The following PACRG variants were observed in gnomAD, a reference collection of about 807,000 sequenced individuals.
The protein encoded by PACRG is parkin coregulated gene protein.
In PACRG, 29 loss-of-function variants were observed where a neutral mutation model predicts 29.7. That is an observed-to-expected ratio of 0.98 (90% CI 0.73 to 1.33). The LOEUF is 1.33. Ranked by LOEUF, PACRG falls within the 40% of genes most tolerant of loss-of-function variation. PACRG has a pLI of 0.00. For synonymous variants in PACRG, 116 were observed against 118.7 expected (o/e 0.98, Z 0.15); for missense variants, 279 against 316.2 (o/e 0.88, Z 0.89).
intron 4 of PACRG, among the ~76,000 whole-genome samples, chr6:163,226,453 C>T (rs1431714522): frequency 6.6e-6 from 1 of 152,248 alleles, no homozygotes; most frequent in East Asian, 1.9e-4. Context: ...TGAAACATCA[C>T]ATTGCGGACT....
chr6:162,738,237 T>G (rs966591970), intron 1 of PACRG, among the ~76,000 whole-genome samples: 1 of 152,214 alleles, frequency 6.6e-6, no homozygotes, highest in Non-Finnish European at 1.5e-5. Flanking sequence ...CAGAGATAGA[T>G]GCAGAGATAT....
At chr6:163,165,155 A>G (rs1203131194) in intron 4 of PACRG, among the ~76,000 whole-genome samples, 3 of 152,232 alleles carry the variant, frequency 2.0e-5, no homozygotes, top group Non-Finnish European at 2.9e-5. Context: ...TACAGAATGC[A>G]GACAAAAGCT....
chr6:162,888,888 G>A (rs1794558676), intron 2 of PACRG, among the ~76,000 whole-genome samples: 1 of 152,152 alleles, frequency 6.6e-6, no homozygotes, highest in Non-Finnish European at 1.5e-5. Context: ...AGGAAGGAAG[G>A]TCAGAATTGA....
At chr6:162,783,982 C>G (rs944975279) in intron 1 of PACRG, among the ~76,000 whole-genome samples, 1 of 151,994 alleles carries the variant, frequency 6.6e-6, no homozygotes, top group African/African-American at 2.4e-5. Flanking sequence ...ACATTTTACT[C>G]TTATGAATTG....
chr6:163,200,656 G>T (rs145593768), intron 4 of PACRG, among the ~76,000 whole-genome samples: 1 of 152,030 alleles, frequency 6.6e-6, no homozygotes, highest in Admixed American at 6.6e-5. Context: ...ACCTTTTAAC[G>T]TTGGAAGTGA....
At chr6:163,166,179 T>G (rs1422239715) in intron 4 of PACRG, 1 of 456,178 alleles carries the variant, frequency 2.2e-6, no homozygotes, top group Admixed American at 2.3e-5. Flanking sequence ...TTGTGCTCGT[T>G]TCCTCTGCAT....
At chr6:163,011,792 A>T (rs1474632534) in intron 2 of PACRG, among the ~76,000 whole-genome samples, 1 of 152,184 alleles carries the variant, frequency 6.6e-6, no homozygotes, top group Non-Finnish European at 1.5e-5. Flanking sequence ...CTTTATTTTT[A>T]AAATATTTTA....
intron 2 of PACRG, among the ~76,000 whole-genome samples, chr6:162,904,255 A>T (rs1157867882): frequency 6.6e-6 from 1 of 152,258 alleles, no homozygotes; most frequent in East Asian, 1.9e-4. Context: ...CATCTACATG[A>T]ATGACGCAAC....
At chr6:163,155,101 T>C (rs974061344) in intron 4 of PACRG, among the ~76,000 whole-genome samples, 9 of 152,214 alleles carry the variant, frequency 5.9e-5, no homozygotes, top group African/African-American at 2.2e-4. Flanking sequence ...CATACCTCTC[T>C]TCTATACAAA....
chr6:162,731,008 C>G (rs1424357803), intron 1 of PACRG, among the ~76,000 whole-genome samples: 3 of 152,096 alleles, frequency 2.0e-5, no homozygotes, highest in East Asian at 3.9e-4. Flanking sequence ...GTTAGAAAAT[C>G]GACCCAGGGT....
chr6:163,115,889 A>G (rs1413318033), intron 4 of PACRG, among the ~76,000 whole-genome samples: 1 of 152,074 alleles, frequency 6.6e-6, no homozygotes, highest in African/African-American at 2.4e-5. Flanking sequence ...CAGTGCAACC[A>G]CGCCCTAACA....
chr6:163,265,332 C>T (rs1783489610), intron 4 of PACRG, among the ~76,000 whole-genome samples: 1 of 152,152 alleles, frequency 6.6e-6, no homozygotes, highest in Non-Finnish European at 1.5e-5. Flanking sequence ...GGCCTGCAGG[C>T]TGACAGTGAC....
intron 4 of PACRG, among the ~76,000 whole-genome samples, chr6:163,202,476 T>C (rs1222541137): frequency 6.6e-6 from 1 of 152,152 alleles, no homozygotes; most frequent in African/African-American, 2.4e-5. Flanking sequence ...CGTGTATATG[T>C]GTGTATAAAT....
intron 2 of PACRG, among the ~76,000 whole-genome samples, chr6:163,041,421 C>T (rs1808708259): frequency 6.6e-6 from 1 of 152,170 alleles, no homozygotes. Flanking sequence ...ACCAGTTTCT[C>T]CCATGCTGTT....
chr6:162,905,147 T>TGACGCA (rs1795840904), intron 2 of PACRG, among the ~76,000 whole-genome samples: 1 of 152,144 alleles, frequency 6.6e-6, no homozygotes, highest in Non-Finnish European at 1.5e-5. Context: ...CCTCGTTGCC[T>TGACGCA]GACGCAGGAG....
At chr6:163,046,339 C>T in intron 2 of PACRG, among the ~76,000 whole-genome samples, 1 of 90,346 alleles carries the variant, frequency 1.1e-5, no homozygotes, top group African/African-American at 3.3e-5. Flanking sequence ...TGGTATGTAC[C>T]CTTCATTTGG....
chr6:163,283,197 GA>G lies in PACRG; in HGVS notation c.614-31629del, dbSNP rs1208327733. 2.0e-5 allele frequency among the ~76,000 whole-genome samples: 3 copies of G among 152,228 alleles called. No homozygotes were observed. In the East Asian group the frequency reaches 5.8e-4, roughly 29 times the overall value. On this transcript the variant is annotated intron_variant, in intron 4 of 4. Coordinates refer to ENST00000366888, the MANE Select transcript of PACRG (RefSeq NM_001080379.2). ...TAAATGTGGGTGATGTGAATGTAAAGAGACAGACATGACCTTTCCTGACTCT... is the reference window on the plus strand; with the variant it reads ...TAAATGTGGGTGATGTGAATGTAAAGGACAGACATGACCTTTCCTGACTCT...
chr6:163,116,832 G>A (rs1048631690), intron 4 of PACRG, among the ~76,000 whole-genome samples: 2 of 152,170 alleles, frequency 1.3e-5, no homozygotes, highest in Non-Finnish European at 2.9e-5. Flanking sequence ...AAGCTTGGGT[G>A]TTAGGATGGT....
At chr6:162,910,152 A>C (rs1054648238) in intron 2 of PACRG, among the ~76,000 whole-genome samples, 2 of 152,202 alleles carry the variant, frequency 1.3e-5, no homozygotes, top group Admixed American at 1.3e-4. Context: ...TTACTTCTTT[A>C]ATCTTCACCA....
Sources: allele counts gnomAD v4.1 joint callset (sites outside exome capture counted in the v4.1 genomes callset), GRCh38; gene constraint gnomAD v4.1.1; transcripts MANE v1.5; gene names NCBI Gene and HGNC (gene_info 2026-07-23, HGNC 2026-07-21).